Variants in ELMO1 observed in about 807,000 individuals in gnomAD.
The protein encoded by ELMO1 is engulfment and cell motility 1.
ELMO1 carries 26 observed loss-of-function variants against 98.9 expected under a neutral mutation model. The observed-to-expected ratio is 0.26, with a 90% CI of 0.19 to 0.36. ELMO1 has a LOEUF of 0.36. ELMO1 is among the 10% of genes least tolerant of loss of function. The pLI is 1.00. For missense variants in ELMO1, 627 were observed against 935.2 expected (o/e 0.67, Z 4.30); for synonymous variants, 346 against 346.0 (o/e 1.00, Z 0.00).
intron 15 of ELMO1, among the ~76,000 whole-genome samples, chr7:37,060,308 C>T (rs944717312): frequency 6.6e-6 from 1 of 152,122 alleles, no homozygotes; most frequent in Non-Finnish European, 1.5e-5. Flanking sequence ...ACATATACAC[C>T]ATGGAATACT....
At position 37,013,336 on chromosome 7, in the gene ELMO1, C is replaced by T. The variant is rs749825864; in HGVS notation, c.1400G>A (p.Trp467Ter). The T allele has an allele frequency of 6.2e-7, 1 of 1,614,068 alleles. No individual in the cohort carries two copies. The highest frequency in any genetic ancestry group is 8.5e-7 in the Non-Finnish European group (1 of 1,179,990). ...CICIQLLNKT[W>*]KEMRATSEDF... is the part of the protein sequence containing the mutation. Reference sequence around the variant, plus strand: ...TTCAGAAGTTGCCCTCATTTCCTTCCATGTCTTGTTCAGGAGCTGGATACA... The same window carrying T: ...TTCAGAAGTTGCCCTCATTTCCTTCTATGTCTTGTTCAGGAGCTGGATACA... The change falls in exon 16 of 22, where the codon TGG becomes TAG. Residue 467 changes from tryptophan to a stop codon, truncating the protein, a stop_gained. Coordinates refer to ENST00000310758, the MANE Select transcript of ELMO1 (RefSeq NM_014800.11). LOFTEE classifies it high-confidence loss of function.
chr7:37,225,172 A>T, intron 8 of ELMO1, 142 bp from the exon 9 acceptor site: 2 of 891,092 alleles, frequency 2.2e-6, no homozygotes, highest in Non-Finnish European at 3.4e-6. Flanking sequence ...CAAAATAGCA[A>T]GAAACCCATT....
chr7:37,415,429 GACT>G (rs1334135636), intron 1 of ELMO1, among the ~76,000 whole-genome samples: 7 of 152,274 alleles, frequency 4.6e-5, no homozygotes, highest in African/African-American at 1.7e-4. Context: ...CAGAGTCAGA[GACT>G]ACGTGAGTTC....
At chr7:37,119,809 TC>T (rs1785878751) in intron 14 of ELMO1, among the ~76,000 whole-genome samples, 1 of 152,056 alleles carries the variant, frequency 6.6e-6, no homozygotes, top group Admixed American at 6.6e-5. Flanking sequence ...ATTTCTATTC[TC>T]CCCCCTCAGG....
chr7:37,032,116 C>T (rs1462335292), intron 15 of ELMO1, among the ~76,000 whole-genome samples: 1 of 152,166 alleles, frequency 6.6e-6, no homozygotes, highest in South Asian at 2.1e-4. Flanking sequence ...TTAGAGTGCA[C>T]CCCTACTGAT....
chr7:37,233,932 G>A (rs1368900358), intron 7 of ELMO1, among the ~76,000 whole-genome samples: 1 of 152,160 alleles, frequency 6.6e-6, no homozygotes, highest in Non-Finnish European at 1.5e-5. Flanking sequence ...GGTCTAATAT[G>A]TGGTTTGAAA....
chr7:37,037,032 A>G (rs1309150964), intron 15 of ELMO1, among the ~76,000 whole-genome samples: 1 of 152,202 alleles, frequency 6.6e-6, no homozygotes, highest in Non-Finnish European at 1.5e-5. Context: ...AGAAATAATG[A>G]GAAGGAAAGA....
intron 6 of ELMO1, among the ~76,000 whole-genome samples, chr7:37,258,399 C>A (rs1795803697): frequency 6.6e-6 from 1 of 152,004 alleles, no homozygotes; most frequent in Non-Finnish European, 1.5e-5. Flanking sequence ...AGCGATTGCA[C>A]CACTGCACTC....
chr7:37,368,340 G>T (rs978645217), intron 1 of ELMO1, among the ~76,000 whole-genome samples: 1 of 152,126 alleles, frequency 6.6e-6, no homozygotes, highest in Non-Finnish European at 1.5e-5. Flanking sequence ...GCATCAGAAA[G>T]AACTATGTCT....
At chr7:37,188,409 T>TACAC (rs566236838) in intron 13 of ELMO1, among the ~76,000 whole-genome samples, 3,081 of 115,794 alleles carry the variant, frequency 0.027, 66 homozygotes, top group Non-Finnish European at 0.037. Context: ...TGCTTCTTGT[T>TACAC]ACACACACAC....
At chr7:37,085,984 C>T (rs574064383) in intron 15 of ELMO1, among the ~76,000 whole-genome samples, 1 of 152,340 alleles carries the variant, frequency 6.6e-6, no homozygotes, top group South Asian at 2.1e-4. Flanking sequence ...ATGTAAGTTT[C>T]ATCCAAGGAA....
chr7:37,298,224 G>A (rs1457298028), intron 4 of ELMO1, among the ~76,000 whole-genome samples: 1 of 151,170 alleles, frequency 6.6e-6, no homozygotes, highest in South Asian at 2.1e-4. Context: ...TACAAGAGAG[G>A]GGGGACCTGA....
chr7:36,910,322 C>T lies in ELMO1; in HGVS notation c.1438-15305G>A, dbSNP rs558237261. On this transcript the variant is annotated intron_variant, in intron 16 of 21. Transcript: ENST00000310758. ...GCTGTCTGCTTTGCAGGCACTGGTG[C>T]CAAATGAACAGGCTCTAGTGCCATG... Among the ~76,000 whole-genome samples, 4 of 152,232 alleles carry T rather than the reference C, an allele frequency of 2.6e-5. No individual in the cohort carries two copies. In the South Asian group the frequency reaches 8.3e-4, roughly 32 times the overall value.
At chr7:37,056,788 CA>C (rs1033117598) in intron 15 of ELMO1, among the ~76,000 whole-genome samples, 3 of 152,150 alleles carry the variant, frequency 2.0e-5, no homozygotes, top group Admixed American at 6.5e-5. Flanking sequence ...AGGGCAAGAA[CA>C]GGGGAGCCCA....
intron 1 of ELMO1, among the ~76,000 whole-genome samples, chr7:37,438,959 G>A (rs1023864321): frequency 2.0e-5 from 3 of 152,226 alleles, no homozygotes; most frequent in Non-Finnish European, 2.9e-5. Flanking sequence ...AACACGGTGA[G>A]TGCTGGCCTC....
intron 4 of ELMO1, among the ~76,000 whole-genome samples, chr7:37,287,133 C>T (rs2723959): frequency 0.44 from 66,334 of 149,918 alleles, 15,021 homozygotes; most frequent in Middle Eastern, 0.56. Flanking sequence ...GTGGAGGTTG[C>T]AATGAGCCGA....
chr7:36,937,229 A>G (rs144649512), intron 16 of ELMO1, among the ~76,000 whole-genome samples: 62 of 152,352 alleles, frequency 4.1e-4, no homozygotes, highest in African/African-American at 1.4e-3. Flanking sequence ...ATGCAGTCAT[A>G]CTGGAGCAGA....
At chr7:36,994,541 G>T (rs1792076030) in intron 16 of ELMO1, among the ~76,000 whole-genome samples, 1 of 152,176 alleles carries the variant, frequency 6.6e-6, no homozygotes, top group African/African-American at 2.4e-5. Flanking sequence ...ATTCTATCCA[G>T]CATCGTAGGT....
At chr7:36,977,507 C>G (rs1488824915) in intron 16 of ELMO1, among the ~76,000 whole-genome samples, 1 of 152,236 alleles carries the variant, frequency 6.6e-6, no homozygotes, top group African/African-American at 2.4e-5. Flanking sequence ...ATTTATACTT[C>G]TACCCAAGTC....
Sources: gnomAD v4.1 joint callset for allele counts (sites outside exome capture counted in the v4.1 genomes callset) on GRCh38, gnomAD v4.1.1 for gene constraint, MANE v1.5 for transcripts, NCBI Gene and HGNC (gene_info 2026-07-23, HGNC 2026-07-21) for gene names.